TRPM3: variants seen among roughly 807,000 people sequenced by gnomAD.
TRPM3 encodes the protein long transient receptor potential channel 3.
TRPM3 carries 77 observed loss-of-function variants against 181.2 expected under a neutral mutation model. The observed-to-expected ratio is 0.42, with a 90% CI of 0.35 to 0.51. The LOEUF is 0.51. Among genes scored for constraint, TRPM3 ranks in the 20% least tolerant of loss-of-function variants. The pLI, the probability that TRPM3 is intolerant of heterozygous loss-of-function variation, is 0.01. For missense variants in TRPM3, 1,759 were observed against 2,196.7 expected, an observed-to-expected ratio of 0.80 and a Z score of 3.98; for synonymous variants, 745 against 796.4, an observed-to-expected ratio of 0.94 and a Z score of 1.09.
chr9:71,388,477 T>A (rs1390945241), intron 1 of TRPM3, among the ~76,000 whole-genome samples: 1 of 152,108 alleles, frequency 6.6e-6, no homozygotes, highest in African/African-American at 2.4e-5. Flanking sequence ...GCTGTATTAT[T>A]TCAGCCTCAA....
intron 1 of TRPM3, among the ~76,000 whole-genome samples, chr9:70,941,515 T>TA (rs2133560593): frequency 6.6e-6 from 1 of 152,310 alleles, no homozygotes; most frequent in South Asian, 2.1e-4. Context: ...TTCGCTTTGT[T>TA]ACTGTGTGAG....
At chr9:70,926,288 G>C (rs1357605744) in intron 1 of TRPM3, among the ~76,000 whole-genome samples, 1 of 152,082 alleles carries the variant, frequency 6.6e-6, no homozygotes, top group Non-Finnish European at 1.5e-5. Context: ...GTTGGAATAA[G>C]CAATATTTTT....
chr9:70,813,503 A>G (rs993855330), intron 6 of TRPM3, among the ~76,000 whole-genome samples: 5 of 152,156 alleles, frequency 3.3e-5, no homozygotes, highest in African/African-American at 7.2e-5. Flanking sequence ...AATAATAGAC[A>G]CTAGGGACTC....
At chr9:70,745,106 C>T (rs2074916633) in intron 8 of TRPM3, among the ~76,000 whole-genome samples, 1 of 152,050 alleles carries the variant, frequency 6.6e-6, no homozygotes, top group Non-Finnish European at 1.5e-5. Context: ...ACCATTGTTA[C>T]AATAAAAATA....
intron 9 of TRPM3, among the ~76,000 whole-genome samples, chr9:70,646,952 T>C (rs1269477837): frequency 4.0e-5 from 6 of 149,290 alleles, no homozygotes; most frequent in Admixed American, 2.0e-4. Flanking sequence ...AAGAAATTGA[T>C]AAATTCCTTG....
intron 1 of TRPM3, among the ~76,000 whole-genome samples, chr9:70,913,859 T>C (rs1428210964): frequency 6.6e-6 from 1 of 152,190 alleles, no homozygotes; most frequent in Non-Finnish European, 1.5e-5. Flanking sequence ...GGTTCTTCCT[T>C]TCCTCTGCAT....
chr9:70,872,004 A>G (rs770789222), intron 1 of TRPM3, among the ~76,000 whole-genome samples: 2 of 152,020 alleles, frequency 1.3e-5, no homozygotes, highest in Non-Finnish European at 2.9e-5. Flanking sequence ...TGCATATTTC[A>G]TTATTATAAA....
intron 1 of TRPM3, among the ~76,000 whole-genome samples, chr9:70,892,286 C>T (rs2096217216): frequency 6.6e-6 from 1 of 151,844 alleles, no homozygotes; most frequent in Non-Finnish European, 1.5e-5. Context: ...TAATATCATT[C>T]AGAAAAAGAG....
chr9:71,206,398 G>A (rs1409482657), intron 1 of TRPM3, among the ~76,000 whole-genome samples: 5 of 152,078 alleles, frequency 3.3e-5, no homozygotes, highest in African/African-American at 1.2e-4. Flanking sequence ...GTCTTCTTTC[G>A]AAAAGTTTCT....
intron 1 of TRPM3, among the ~76,000 whole-genome samples, chr9:71,367,455 C>T (rs528686529): frequency 6.6e-6 from 1 of 152,214 alleles, no homozygotes; most frequent in African/African-American, 2.4e-5. Flanking sequence ...CTGTAAAAGG[C>T]AAGTTTGTAA....
At chr9:71,175,158 G>A (rs2077045115) in intron 1 of TRPM3, among the ~76,000 whole-genome samples, 1 of 152,222 alleles carries the variant, frequency 6.6e-6, no homozygotes, top group South Asian at 2.1e-4. Context: ...GTGAGAGAAA[G>A]TAGGATTGAG....
At chr9:70,815,802 C>CAGTT (rs959652322) in intron 6 of TRPM3, among the ~76,000 whole-genome samples, 9 of 152,066 alleles carry the variant, frequency 5.9e-5, no homozygotes, top group Non-Finnish European at 8.8e-5. Flanking sequence ...GGTTTTTTAA[C>CAGTT]AGTTAGTTTA....
Position 71,210,681 on chromosome 9 carries a change from A to G in TRPM3, c.183+235972T>C, listed in dbSNP as rs77963835. Among the ~76,000 whole-genome samples, 600 of 152,318 alleles carry G rather than the reference A, an allele frequency of 3.9e-3. 4 individuals carry two copies. The highest frequency in any genetic ancestry group is 0.014 in the African/African-American group (576 of 41,570). ...AGAACAAGATATTGTTGTTCTCTAC[A>G]CAGTTGGCACGTGGACTTTGTCTTA... On this transcript the variant is annotated intron_variant, in intron 1 of 24. Coordinates refer to the TRPM3 transcript ENST00000357533.
At chr9:70,917,262 C>T (rs373779525) in intron 1 of TRPM3, 2 of 1,505,974 alleles carry the variant, frequency 1.3e-6, no homozygotes, top group Non-Finnish European at 1.8e-6. Flanking sequence ...ATCATAAACA[C>T]CAATTCAGCA....
intron 1 of TRPM3, among the ~76,000 whole-genome samples, chr9:70,911,140 T>C (rs2096533382): frequency 6.6e-6 from 1 of 152,218 alleles, no homozygotes; most frequent in Non-Finnish European, 1.5e-5. Context: ...AATATCTTAA[T>C]AACATGCAGC....
intron 1 of TRPM3, among the ~76,000 whole-genome samples, chr9:71,299,503 TGAAGGAAGGGAG>T (rs975126151): frequency 6.4e-5 from 8 of 124,276 alleles, no homozygotes; most frequent in African/African-American, 1.9e-4. Flanking sequence ...GAGAAAAAGA[TGAAGGAAGGGAG>T]GAAGGAAGGG....
rs578236150 is a variant in TRPM3, at chr9:70,561,155, T to A, written c.3224-7845A>T. Among the ~76,000 whole-genome samples the A allele has an allele frequency of 2.2e-4, 34 of 152,046 alleles. No individual in the cohort carries two copies. In the Middle Eastern group the frequency reaches 0.017, roughly 77 times the overall value. ...TGAGTATCTGACTACATTTATCCTATTTTTTTTATAGAAAGGATTTTCATC... is the reference window on the plus strand; with the variant it reads ...TGAGTATCTGACTACATTTATCCTAATTTTTTTATAGAAAGGATTTTCATC... On this transcript the variant is annotated intron_variant, in intron 22 of 25. Transcript: ENST00000677713.
At chr9:71,112,713 C>A (rs953742516) in intron 1 of TRPM3, among the ~76,000 whole-genome samples, 5 of 152,126 alleles carry the variant, frequency 3.3e-5, no homozygotes, top group Admixed American at 3.3e-4. Flanking sequence ...AGAAGATTTT[C>A]AAAATGAGTT....
chr9:71,433,823 A>C (rs1353164861), intron 1 of TRPM3, among the ~76,000 whole-genome samples: 1 of 152,224 alleles, frequency 6.6e-6, no homozygotes, highest in African/African-American at 2.4e-5. Context: ...AACACATAGA[A>C]GCTTTATGCA....
Sources: gnomAD v4.1 joint callset for allele counts (sites outside exome capture counted in the v4.1 genomes callset) on GRCh38, gnomAD v4.1.1 for gene constraint, MANE v1.5 for transcripts, NCBI Gene and HGNC (gene_info 2026-07-23, HGNC 2026-07-21) for gene names.